The following LRP1B variants were observed in gnomAD, a reference collection of about 807,000 sequenced individuals.
LRP1B encodes the protein LDL receptor related protein 1B.
A neutral mutation model predicts 556.6 loss-of-function variants in LRP1B; 217 were observed. The ratio of observed to expected loss-of-function variants is 0.39; its 90% CI spans 0.35 to 0.44. The LOEUF is 0.44. Ranked by LOEUF, LRP1B falls within the 20% of genes least tolerant of loss-of-function variation. LRP1B has a pLI of 1.00. For synonymous variants in LRP1B, 2,047 were observed against 1,865.8 expected, an observed-to-expected ratio of 1.10 and a Z score of -2.50; for missense variants, 5,053 against 5,620.8, an observed-to-expected ratio of 0.90 and a Z score of 3.23.
In LRP1B at chr2:141,657,426, TAA is replaced by T. The variant is rs1389361896; in HGVS notation, c.205+152851_205+152852del. 3.9e-5 allele frequency among the ~76,000 whole-genome samples: 6 copies of T among 152,278 alleles called. No homozygotes were observed. In the South Asian group the frequency reaches 1.2e-3, roughly 32 times the overall value. On this transcript the variant is annotated intron_variant, in intron 2 of 90. Coordinates refer to ENST00000389484, the MANE Select transcript of LRP1B (RefSeq NM_018557.3). ...GTTTAACTCAAATATCCAATTTTCA[TAA>T]AGAGTCCCTATTATGAATAGCAATT... is the stretch of plus-strand genomic sequence containing the variant.
chr2:140,747,497 G>A (rs1688357492), intron 35 of LRP1B, among the ~76,000 whole-genome samples: 1 of 152,140 alleles, frequency 6.6e-6, no homozygotes, highest in African/African-American at 2.4e-5. Flanking sequence ...AATGCACATA[G>A]CACACCATAG....
intron 3 of LRP1B, among the ~76,000 whole-genome samples, chr2:141,277,409 CAT>C (rs1376653609): frequency 4.6e-5 from 7 of 152,130 alleles, no homozygotes; most frequent in Non-Finnish European, 8.8e-5. Flanking sequence ...AACATTTTTT[CAT>C]ATGTTTGTTG....
chr2:141,328,119 T>G (rs1687496775), intron 3 of LRP1B, among the ~76,000 whole-genome samples: 1 of 152,192 alleles, frequency 6.6e-6, no homozygotes, highest in African/African-American at 2.4e-5. Context: ...CTCTATATAC[T>G]AGGTCCATCT....
At chr2:140,689,933 C>A (rs565347615) in intron 41 of LRP1B, among the ~76,000 whole-genome samples, 1 of 152,216 alleles carries the variant, frequency 6.6e-6, no homozygotes, top group East Asian at 1.9e-4. Context: ...AACACCTATG[C>A]AGAAAACTTT....
At chr2:140,291,945 A>G (rs1553440838) in intron 84 of LRP1B, among the ~76,000 whole-genome samples, 2 of 152,218 alleles carry the variant, frequency 1.3e-5, no homozygotes, top group East Asian at 1.9e-4. Flanking sequence ...AAGTGTTCCT[A>G]TTTCTCCACA....
chr2:140,549,587 C>T (rs1021616547), intron 43 of LRP1B, among the ~76,000 whole-genome samples: 2 of 152,154 alleles, frequency 1.3e-5, no homozygotes, highest in African/African-American at 2.4e-5. Flanking sequence ...CATAGAAGGA[C>T]AGGAGCAAAG....
intron 53 of LRP1B, among the ~76,000 whole-genome samples, chr2:140,505,102 C>T (rs959020918): frequency 6.6e-6 from 1 of 152,214 alleles, no homozygotes; most frequent in African/African-American, 2.4e-5. Flanking sequence ...CCTCGACCAT[C>T]TCAATTTACA....
intron 58 of LRP1B, 31 bp from the exon 59 acceptor site, chr2:140,485,555 C>A (rs76480759): frequency 2.0e-6 from 3 of 1,529,466 alleles, no homozygotes; most frequent in East Asian, 2.3e-5. Context: ...AGGTTAACAG[C>A]GTAAATCCCT....
intron 1 of LRP1B, among the ~76,000 whole-genome samples, chr2:141,929,292 T>C (rs1490072945): frequency 1.3e-5 from 2 of 152,036 alleles, no homozygotes; most frequent in African/African-American, 4.8e-5. Flanking sequence ...ACAACTGTAA[T>C]AACACACACA....
intron 7 of LRP1B, among the ~76,000 whole-genome samples, chr2:141,117,496 A>T (rs1235285932): frequency 1.3e-5 from 2 of 151,980 alleles, no homozygotes; most frequent in African/African-American, 4.8e-5. Flanking sequence ...ATTACACAAA[A>T]ATTAGAAGGT....
chr2:141,234,831 A>G (rs1214334010), intron 5 of LRP1B, among the ~76,000 whole-genome samples: 2 of 152,180 alleles, frequency 1.3e-5, no homozygotes, highest in Non-Finnish European at 2.9e-5. Flanking sequence ...GTATTACAGT[A>G]TTCAAATATA....
chr2:140,988,401 G>A (rs1696991052), intron 17 of LRP1B, among the ~76,000 whole-genome samples: 1 of 152,054 alleles, frequency 6.6e-6, no homozygotes, highest in African/African-American at 2.4e-5. Flanking sequence ...AGAATAACTG[G>A]CCCATGGATC....
intron 17 of LRP1B, among the ~76,000 whole-genome samples, chr2:140,983,964 T>C (rs1350900032): frequency 6.6e-6 from 1 of 151,900 alleles, no homozygotes; most frequent in African/African-American, 2.4e-5. Context: ...TAATTCCACA[T>C]ATTTTCTGGT....
intron 2 of LRP1B, among the ~76,000 whole-genome samples, chr2:141,491,255 T>C (rs1683323976): frequency 6.6e-6 from 1 of 152,138 alleles, no homozygotes; most frequent in Non-Finnish European, 1.5e-5. Flanking sequence ...TCTTCAATTT[T>C]CAATTTTTAG....
At chr2:141,905,550 C>G (rs540467186) in intron 1 of LRP1B, among the ~76,000 whole-genome samples, 1 of 150,078 alleles carries the variant, frequency 6.7e-6, no homozygotes, top group Non-Finnish European at 1.5e-5. Context: ...TTCTAACAAA[C>G]GGAGAAATTG....
chr2:141,212,805 G>A (rs1682623906), intron 6 of LRP1B, among the ~76,000 whole-genome samples: 1 of 152,088 alleles, frequency 6.6e-6, no homozygotes, highest in African/African-American at 2.4e-5. Flanking sequence ...ATCATTTAAT[G>A]TAATTGATTC....
chr2:141,385,608 TAA>T lies in LRP1B; in HGVS notation c.343+94786_343+94787del, dbSNP rs70991158. On this transcript the variant is annotated intron_variant, in intron 3 of 90. Coordinates refer to ENST00000389484, the MANE Select transcript of LRP1B (RefSeq NM_018557.3). ...TAAAACCAAAAGGTGACTTCTAAGATAAAAAAAAAAAATTGTTAATGAGGCAG... is the reference window on the plus strand; with the variant it reads ...TAAAACCAAAAGGTGACTTCTAAGATAAAAAAAAAATTGTTAATGAGGCAG... Among the ~76,000 whole-genome samples, 878 of 150,812 alleles carry T rather than the reference TAA, an allele frequency of 5.8e-3. 4 individuals are homozygous for T. Among genetic ancestry groups the T allele is most frequent in the Middle Eastern group, 0.038 (11 of 290 alleles).
chr2:140,318,692 CTGGG>C (rs1684639728), intron 82 of LRP1B, among the ~76,000 whole-genome samples: 1 of 152,008 alleles, frequency 6.6e-6, no homozygotes, highest in Non-Finnish European at 1.5e-5. Context: ...CACAGAGATA[CTGGG>C]ATGTATTGTG....
intron 2 of LRP1B, among the ~76,000 whole-genome samples, chr2:141,709,178 G>A (rs1055394038): frequency 6.6e-5 from 10 of 151,594 alleles, no homozygotes; most frequent in African/African-American, 2.4e-4. Context: ...GTGAAACCCC[G>A]TCTCTACAAA....
Sources: gnomAD v4.1 joint callset for allele counts (sites outside exome capture counted in the v4.1 genomes callset) on GRCh38, gnomAD v4.1.1 for gene constraint, MANE v1.5 for transcripts, NCBI Gene and HGNC (gene_info 2026-07-23, HGNC 2026-07-21) for gene names.